NOL10: variants seen among roughly 807,000 people sequenced by gnomAD.
The protein encoded by NOL10 is nucleolar protein 10, also known as H_NH0074G24.1.
Under a neutral mutation model 103.5 loss-of-function variants are expected in NOL10, and 58 were observed. The observed-to-expected ratio is 0.56, with a 90% CI of 0.45 to 0.70. The LOEUF (loss-of-function observed/expected upper bound fraction) is 0.70. Among genes scored for constraint, NOL10 ranks in the 30% least tolerant of loss-of-function variants. NOL10 has a pLI of 0.00. For synonymous variants in NOL10, 287 were observed against 282.5 expected (o/e 1.02, Z -0.16); for missense variants, 763 against 807.3 (o/e 0.95, Z 0.67).
In NOL10 at chr2:10,644,307, T is replaced by A; in HGVS notation, c.1026+13A>T. 1 of 1,495,042 alleles carries A rather than the reference T, an allele frequency of 6.7e-7. No homozygotes were observed. Among genetic ancestry groups the A allele is most frequent in the Non-Finnish European group, 8.9e-7 (1 of 1,119,916 alleles). The allele number at this position is 1,495,042 out of a possible 1,614,324, so 92.6% of individuals were successfully genotyped here. ...GTCCTATTTTTACTGAAACTCCTCT[T>A]TGTATTACTTACTGGAATGTAATAG... On this transcript the variant is annotated intron_variant, in intron 13 of 20. Transcript: ENST00000381685.
At chr2:10,628,366 C>T (rs1432868188) in intron 13 of NOL10, among the ~76,000 whole-genome samples, 1 of 152,118 alleles carries the variant, frequency 6.6e-6, no homozygotes, top group Non-Finnish European at 1.5e-5. Flanking sequence ...GGAGTCACTG[C>T]CAACATTCTA....
At chr2:10,637,537 G>A (rs562647823) in intron 13 of NOL10, among the ~76,000 whole-genome samples, 67 of 152,296 alleles carry the variant, frequency 4.4e-4, no homozygotes, top group Middle Eastern at 6.8e-3. Context: ...CTGTGATGGC[G>A]TCAGAAGGCC....
chr2:10,587,511 T>C (rs1400880743), intron 19 of NOL10, among the ~76,000 whole-genome samples: 1 of 127,016 alleles, frequency 7.9e-6, no homozygotes, highest in Non-Finnish European at 1.8e-5. Flanking sequence ...CCTCATGATC[T>C]GCCCCCCCCT....
Position 10,684,573 on chromosome 2 carries a change from C to G in NOL10, c.106G>C (p.Asp36His). 1 of 1,575,402 alleles carries G rather than the reference C, an allele frequency of 6.3e-7. No homozygotes were observed. The highest frequency in any genetic ancestry group is 8.6e-7 in the Non-Finnish European group (1 of 1,158,700). The change falls in exon 2 of 21, where the codon GAT becomes CAT. Residue 36 changes from aspartate (D) to histidine (H), a missense_variant. Physicochemically the swap from Asp to His is moderately conservative, Grantham distance 81 (BLOSUM62 -1). Transcript: ENST00000381685. ...GGGAAAAAACAATACTCACCTACAT[C>G]TTTCTTCTGTAGCGCTCTCTTCTTC... is the stretch of plus-strand genomic sequence containing the variant. ...DRKKRALQKK[D>H]VDVRRRIELI...
intron 14 of NOL10, chr2:10,604,800 A>C (rs1676160862): frequency 5.3e-5 from 8 of 152,222 alleles, no homozygotes. Flanking sequence ...AACTCCATGG[A>C]TCACTAGTCC....
chr2:10,576,731 G>A (rs1674471747), intron 20 of NOL10, among the ~76,000 whole-genome samples: 1 of 152,202 alleles, frequency 6.6e-6, no homozygotes, highest in Non-Finnish European at 1.5e-5. Context: ...GGGGGTAAAT[G>A]CTAAAGGGTA....
chr2:10,655,897 T>G (rs553670361), intron 11 of NOL10, among the ~76,000 whole-genome samples: 9 of 152,198 alleles, frequency 5.9e-5, no homozygotes, highest in African/African-American at 2.2e-4. Flanking sequence ...AACCCAAGAC[T>G]AACAGTGAAA....
rs58970211 is a variant in NOL10 at position 10,677,839 on chromosome 2, T to TTGTG, written c.212-1972_212-1969dup. On this transcript the variant is annotated intron_variant, in intron 3 of 20. Transcript: ENST00000381685. ...TCGTATGGCAATAATTTTAATACAT[T>TTGTG]TGTGTGTGTGTGTGTGTGTGTGTGT... Among the ~76,000 whole-genome samples the TTGTG allele has an allele frequency of 3.8e-3, 553 of 146,836 alleles. 8 individuals are homozygous for TTGTG. Among genetic ancestry groups the TTGTG allele is most frequent in the African/African-American group, 0.012 (481 of 39,422 alleles).
chr2:10,618,289 C>T (rs369106769), intron 13 of NOL10, among the ~76,000 whole-genome samples: 7 of 151,846 alleles, frequency 4.6e-5, no homozygotes, highest in Admixed American at 3.9e-4. Flanking sequence ...CCTTAGTTTC[C>T]TTTAATGTAG....
intron 20 of NOL10, among the ~76,000 whole-genome samples, chr2:10,575,983 A>G (rs1414425007): frequency 6.6e-6 from 1 of 152,226 alleles, no homozygotes; most frequent in East Asian, 1.9e-4. Context: ...TTGCACTTAG[A>G]ATAATGAAGT....
chr2:10,666,615 C>T (rs764420110), intron 8 of NOL10, among the ~76,000 whole-genome samples: 5 of 152,070 alleles, frequency 3.3e-5, no homozygotes, highest in Admixed American at 2.0e-4. Flanking sequence ...TGAGCCACTG[C>T]GCCTGGCCTG....
intron 8 of NOL10, among the ~76,000 whole-genome samples, chr2:10,663,452 C>T (rs1473285000): frequency 2.0e-5 from 3 of 151,478 alleles, no homozygotes; most frequent in African/African-American, 7.3e-5. Context: ...TAGAAAAAGT[C>T]CTTATTTTTA....
Position 10,669,466 on chromosome 2 carries a change from T to TATA in NOL10, c.465-744_465-743insTAT, listed in dbSNP as rs1553313389. 2.4e-3 allele frequency among the ~76,000 whole-genome samples: 341 copies of TATA among 142,714 alleles called. 1 individual carries two copies. Among genetic ancestry groups the TATA allele is most frequent in the East Asian group, 8.2e-3 (41 of 4,992 alleles). The allele number at this position is 142,714 out of a possible 152,430, so 93.6% of individuals were successfully genotyped here. Reference sequence around the variant, plus strand: ...GTATATATATATATATTTTTATTTTTTATATATATATATATACACACACAC... The same window carrying TATA: ...GTATATATATATATATTTTTATTTTTATATATATATATATATATACACACACAC... On this transcript the variant is annotated intron_variant, in intron 6 of 20. Transcript: ENST00000381685.
At chr2:10,668,079 C>A (rs1234354019) in intron 7 of NOL10, among the ~76,000 whole-genome samples, 2 of 152,016 alleles carry the variant, frequency 1.3e-5, no homozygotes, top group East Asian at 3.8e-4. Flanking sequence ...ATGGTACTTA[C>A]CACAAAAATC....
chr2:10,684,727 C>A lies in NOL10; in HGVS notation c.67-115G>T. Reference sequence around the variant, plus strand: ...ATTCAAACTTCATAGGAATATATAACATAGGAAGCAAAAAATATTCTCTAA... The same window carrying A: ...ATTCAAACTTCATAGGAATATATAAAATAGGAAGCAAAAAATATTCTCTAA... On this transcript the variant is annotated intron_variant, in intron 1 of 20. Coordinates refer to ENST00000381685, the MANE Select transcript of NOL10 (RefSeq NM_024894.4). 9 of 689,168 alleles carry A rather than the reference C, an allele frequency of 1.3e-5. No homozygotes were observed. The Admixed American group carries it at 1.4e-4, about 11-fold the overall frequency. 42.7% of individuals were successfully genotyped at this position (689,168 alleles called of 1,614,324 possible).
intron 14 of NOL10, among the ~76,000 whole-genome samples, chr2:10,606,607 C>CAAA (rs35623656): frequency 8.1e-5 from 9 of 111,774 alleles, no homozygotes; most frequent in African/African-American, 2.7e-4. Flanking sequence ...GACTCTGTCT[C>CAAA]AAAAAAAAAA....
chr2:10,646,788 T>C (rs1045512680), intron 12 of NOL10, among the ~76,000 whole-genome samples: 8 of 152,180 alleles, frequency 5.3e-5, no homozygotes, highest in African/African-American at 1.9e-4. Context: ...GCTCATAACA[T>C]GGGACTCTGA....
chr2:10,664,086 T>C (rs1424913217), intron 8 of NOL10, among the ~76,000 whole-genome samples: 1 of 148,848 alleles, frequency 6.7e-6, no homozygotes, highest in Non-Finnish European at 1.5e-5. Context: ...GCCACTGCAC[T>C]CCTGCCTAGG....
intron 19 of NOL10, among the ~76,000 whole-genome samples, chr2:10,582,638 T>C (rs12329184): frequency 0.34 from 52,236 of 151,946 alleles, 9,411 homozygotes; most frequent in Non-Finnish European, 0.4. Flanking sequence ...TCCCCTATGT[T>C]CACGCATCTG....
Sources: allele counts gnomAD v4.1 joint callset (sites outside exome capture counted in the v4.1 genomes callset), GRCh38; gene constraint gnomAD v4.1.1; transcripts MANE v1.5; gene names NCBI Gene and HGNC (gene_info 2026-07-23, HGNC 2026-07-21).